Variants in KLC1 observed in about 807,000 individuals in gnomAD.
The protein encoded by KLC1 is kinesin 2 60/70kDa.
KLC1 carries 30 observed loss-of-function variants against 84.2 expected under a neutral mutation model. The observed-to-expected ratio is 0.36, with a 90% CI of 0.27 to 0.48. The LOEUF is 0.48. KLC1 is among the 20% of genes least tolerant of loss of function. The pLI is 0.99. For missense variants in KLC1, 499 were observed against 805.4 expected (o/e 0.62, Z 4.60); for synonymous variants, 289 against 293.3 (o/e 0.99, Z 0.15).
intron 6 of KLC1, 131 bp downstream of exon 6, chr14:103,669,729 A>G: frequency 1.5e-6 from 1 of 659,106 alleles, no homozygotes; most frequent in Non-Finnish European, 2.7e-6. Context: ...TGGTGCAGGT[A>G]GGAGGTCTTC....
chr14:103,636,284 C>T (rs541834970), intron 1 of KLC1, among the ~76,000 whole-genome samples: 20 of 152,058 alleles, frequency 1.3e-4, no homozygotes, highest in African/African-American at 4.1e-4. Context: ...TGCAGTGGCA[C>T]GATCTCAGCT....
At chr14:103,646,257 A>G (rs979914446) in intron 1 of KLC1, among the ~76,000 whole-genome samples, 1 of 151,944 alleles carries the variant, frequency 6.6e-6, no homozygotes, top group African/African-American at 2.4e-5. Flanking sequence ...GTAAAATATC[A>G]CTCCTGTCAT....
At chr14:103,686,052 G>T in intron 13 of KLC1, 1 of 1,025,372 alleles carries the variant, frequency 9.8e-7, no homozygotes, top group Non-Finnish European at 1.2e-6. Context: ...GTGGTACTTA[G>T]AGCCCTGGGG....
intron 12 of KLC1, among the ~76,000 whole-genome samples, 188 bp downstream of exon 12, chr14:103,677,711 C>A (rs1420001278): frequency 6.6e-6 from 1 of 152,178 alleles, no homozygotes; most frequent in Admixed American, 6.5e-5. Context: ...TTAATCCCAG[C>A]ACTTTGGGAG....
intron 1 of KLC1, among the ~76,000 whole-genome samples, chr14:103,651,008 C>CTTAT (rs143477057): frequency 0.038 from 5,797 of 151,522 alleles, 337 homozygotes; most frequent in African/African-American, 0.13. Context: ...AGTTTTATAC[C>CTTAT]TTATTTATTT....
At chr14:103,675,307 A>G (rs1435413477) in intron 9 of KLC1, among the ~76,000 whole-genome samples, 2 of 152,202 alleles carry the variant, frequency 1.3e-5, no homozygotes, top group Non-Finnish European at 2.9e-5. Context: ...CCTGGGCAAC[A>G]GAGTGAGACT....
chr14:103,681,098 G>A (rs867750339), intron 13 of KLC1, among the ~76,000 whole-genome samples: 1 of 152,144 alleles, frequency 6.6e-6, no homozygotes, highest in Non-Finnish European at 1.5e-5. Flanking sequence ...CTCCTTCCAC[G>A]CTTCCTTTCT....
intron 13 of KLC1, among the ~76,000 whole-genome samples, chr14:103,681,749 C>T (rs944636351): frequency 1.3e-5 from 2 of 152,054 alleles, no homozygotes; most frequent in African/African-American, 4.8e-5. Context: ...AAACCACCGA[C>T]TTTTCTTATT....
chr14:103,644,837 G>A (rs1237299751), intron 1 of KLC1, among the ~76,000 whole-genome samples: 1 of 152,198 alleles, frequency 6.6e-6, no homozygotes, highest in Non-Finnish European at 1.5e-5. Context: ...CTTTAGAACA[G>A]TGCCTTGAAT....
chr14:103,668,533 A>C (rs1567026481), intron 5 of KLC1, among the ~76,000 whole-genome samples: 1 of 151,868 alleles, frequency 6.6e-6, no homozygotes, highest in Non-Finnish European at 1.5e-5. Context: ...GCTTTAGTGC[A>C]GTGGCGCGAT....
At chr14:103,631,191 C>T (rs1051619559) in intron 1 of KLC1, among the ~76,000 whole-genome samples, 3 of 152,042 alleles carry the variant, frequency 2.0e-5, no homozygotes, top group Non-Finnish European at 4.4e-5. Context: ...CGCCATTCTC[C>T]TGCCTCAACC....
chr14:103,685,394 ATT>A, intron 13 of KLC1: 1 of 1,199,640 alleles, frequency 8.3e-7, no homozygotes, highest in South Asian at 1.6e-5. Context: ...AAGTGTTGAC[ATT>A]TACTTTGATG....
chr14:103,645,413 G>T (rs554982511), intron 1 of KLC1, among the ~76,000 whole-genome samples: 2 of 152,230 alleles, frequency 1.3e-5, no homozygotes, highest in Admixed American at 6.6e-5. Flanking sequence ...GCCTAGCTCA[G>T]TTCTTCTGCA....
intron 3 of KLC1, among the ~76,000 whole-genome samples, 188 bp from the exon 4 acceptor site, chr14:103,661,928 A>G (rs536117692): frequency 3.3e-5 from 5 of 152,322 alleles, no homozygotes; most frequent in African/African-American, 1.2e-4. Flanking sequence ...ATTCTAGTCT[A>G]AAAAGCTTTT....
chr14:103,665,557 C>T (rs2079701586), intron 5 of KLC1, among the ~76,000 whole-genome samples: 1 of 152,092 alleles, frequency 6.6e-6, no homozygotes, highest in African/African-American at 2.4e-5. Flanking sequence ...GCCTCAGCCT[C>T]CCAAGTAGCT....
intron 2 of KLC1, among the ~76,000 whole-genome samples, chr14:103,655,986 C>G (rs2078809533): frequency 6.6e-6 from 1 of 152,208 alleles, no homozygotes; most frequent in South Asian, 2.1e-4. Context: ...GGTACACTCT[C>G]CTGGACGGGT....
intron 9 of KLC1, among the ~76,000 whole-genome samples, chr14:103,674,375 C>A (rs1025501292): frequency 6.6e-6 from 1 of 151,450 alleles, no homozygotes; most frequent in Non-Finnish European, 1.5e-5. Flanking sequence ...GTGAGTGTTC[C>A]GAGAAGATGA....
In KLC1 at chr14:103,664,952, A is replaced by G. The variant is rs568935215; in HGVS notation, c.797+2025A>G. ...TAGGTTTTTGTTGTGCACAGCGTGC[A>G]TGGGCACACACATCACTGCTGGGTG... On this transcript the variant is annotated intron_variant, in intron 5 of 16. Transcript: ENST00000334553. Among the ~76,000 whole-genome samples the G allele has an allele frequency of 4.0e-5, 6 of 151,610 alleles. No individual in the cohort carries two copies. The East Asian group carries it at 1.2e-3, about 29-fold the overall frequency.
At chr14:103,645,815 T>G (rs1595301012) in intron 1 of KLC1, among the ~76,000 whole-genome samples, 1 of 151,504 alleles carries the variant, frequency 6.6e-6, no homozygotes, top group African/African-American at 2.4e-5. Context: ...TGGAGTGCAG[T>G]GGCACAATCT....
Sources: allele counts gnomAD v4.1 joint callset (sites outside exome capture counted in the v4.1 genomes callset), GRCh38; gene constraint gnomAD v4.1.1; transcripts MANE v1.5; gene names NCBI Gene and HGNC (gene_info 2026-07-23, HGNC 2026-07-21).